The following EIF2S1 variants were observed in gnomAD, a reference collection of about 807,000 sequenced individuals.
The protein encoded by EIF2S1 is eukaryotic translation initiation factor 2 subunit 1.
Under a neutral mutation model 33.5 loss-of-function variants are expected in EIF2S1, and 5 were observed. That is an observed-to-expected ratio of 0.15 (90% CI 0.08 to 0.31). The LOEUF (loss-of-function observed/expected upper bound fraction) is 0.31. EIF2S1 is among the 10% of genes least tolerant of loss of function. EIF2S1 has a pLI of 1.00. For synonymous variants in EIF2S1, 99 were observed against 127.5 expected, an observed-to-expected ratio of 0.78 and a Z score of 1.51; for missense variants, 191 against 384.6, an observed-to-expected ratio of 0.50 and a Z score of 4.21.
chr14:67,361,498 G>C (rs1243625557), intron 1 of EIF2S1, among the ~76,000 whole-genome samples: 1 of 152,200 alleles, frequency 6.6e-6, no homozygotes, highest in Non-Finnish European at 1.5e-5. Flanking sequence ...AGCATTCAGA[G>C]AGCATTCCTA....
chr14:67,379,602 C>T (rs1253939836), intron 4 of EIF2S1, among the ~76,000 whole-genome samples: 1 of 151,268 alleles, frequency 6.6e-6, no homozygotes. Context: ...AAGCCTGATG[C>T]TTGCTCATGC....
Position 67,374,442 on chromosome 14 carries a change from G to T in EIF2S1, c.242-26G>T, listed in dbSNP as rs760475327. ...AGTACAGTGGCATCTGGACAGAGAT[G>T]ATTTTTTCACAATTTTTTTGTACAG... On this transcript the variant is annotated intron_variant, in intron 2 of 7. Transcript: ENST00000256383. The T allele has an allele frequency of 3.3e-6, 5 of 1,512,054 alleles. No individual in the cohort carries two copies. The Admixed American group carries it at 5.2e-5, about 16-fold the overall frequency. 93.7% of individuals were successfully genotyped at this position (1,512,054 alleles called of 1,614,324 possible). A position where few individuals can be genotyped will look rare whatever the true frequency, so the allele number is the denominator to read the frequency against.
At chr14:67,370,886 A>G (rs1424632561) in intron 2 of EIF2S1, among the ~76,000 whole-genome samples, 4 of 151,962 alleles carry the variant, frequency 2.6e-5, no homozygotes, top group Admixed American at 6.6e-5. Flanking sequence ...TTACCCAGGC[A>G]TGGTGTTGTG....
At chr14:67,361,985 T>G (rs952462981) in intron 1 of EIF2S1, among the ~76,000 whole-genome samples, 1 of 152,118 alleles carries the variant, frequency 6.6e-6, no homozygotes, top group East Asian at 1.9e-4. Flanking sequence ...CACTCTATAC[T>G]TAATTACTTA....
At chr14:67,369,074 A>C (rs922992712) in intron 2 of EIF2S1, among the ~76,000 whole-genome samples, 9 of 152,210 alleles carry the variant, frequency 5.9e-5, no homozygotes, top group Non-Finnish European at 1.2e-4. Flanking sequence ...TAAATCAAGT[A>C]AATATTCCAG....
At chr14:67,368,392 C>T (rs1448504697) in intron 2 of EIF2S1, among the ~76,000 whole-genome samples, 1 of 152,178 alleles carries the variant, frequency 6.6e-6, no homozygotes, top group Non-Finnish European at 1.5e-5. Flanking sequence ...AAGCCCTTTG[C>T]TGACTCCTCC....
intron 2 of EIF2S1, among the ~76,000 whole-genome samples, chr14:67,370,550 A>G (rs1464895805): frequency 6.6e-6 from 1 of 152,240 alleles, no homozygotes; most frequent in Non-Finnish European, 1.5e-5. Context: ...TGCTACAGAC[A>G]TTAAAAGGCT....
chr14:67,381,159 C>T (rs960398238), intron 5 of EIF2S1, among the ~76,000 whole-genome samples: 5 of 152,194 alleles, frequency 3.3e-5, no homozygotes, highest in Admixed American at 6.5e-5. Context: ...GAATCTTTCT[C>T]ATTCTTTTTT....
intron 2 of EIF2S1, among the ~76,000 whole-genome samples, chr14:67,366,111 C>G (rs2085776976): frequency 6.9e-6 from 1 of 144,540 alleles, no homozygotes; most frequent in African/African-American, 2.6e-5. Flanking sequence ...GAATTGGGGT[C>G]TTGCTCTGTC....
Position 67,382,553 on chromosome 14 carries a change from T to C in EIF2S1, c.785T>C (p.Ile262Thr). The C allele has an allele frequency of 1.2e-6, 2 of 1,613,856 alleles. No homozygotes were observed. Among genetic ancestry groups the C allele is most frequent in the Non-Finnish European group, 1.7e-6 (2 of 1,179,900 alleles). ...GCTATGGCTGTTATCAAAGAGAAGA[T>C]TGAGGAAAAGAGGGGTGTGTTCAAT... is the stretch of plus-strand genomic sequence containing the variant. ...SQAMAVIKEK[I>T]EEKRGVFNVQ... Residue 262 changes from isoleucine (I) to threonine (T), a missense_variant, in exon 7 of 8, where the codon ATT becomes ACT. Transcript: ENST00000256383.
At chr14:67,372,963 TC>T (rs1239449845) in intron 2 of EIF2S1, among the ~76,000 whole-genome samples, 1 of 152,174 alleles carries the variant, frequency 6.6e-6, no homozygotes, top group Non-Finnish European at 1.5e-5. Flanking sequence ...ATGTTGAACA[TC>T]ATTAGTCATT....
chr14:67,368,792 G>A (rs2085798581), intron 2 of EIF2S1, among the ~76,000 whole-genome samples: 1 of 152,194 alleles, frequency 6.6e-6, no homozygotes, highest in Non-Finnish European at 1.5e-5. Flanking sequence ...GGAGGCTGAG[G>A]TGGGAGAGTC....
In EIF2S1 at chr14:67,364,836, T is replaced by C. The variant is rs2085764021; in HGVS notation, c.69T>C (p.Asn23=). The change falls in exon 2 of 8, where the codon AAT becomes AAC. Residue 23 remains asparagine (N), a synonymous_variant. Transcript: ENST00000256383. The part of the protein sequence containing the change: ...FPEVEDVVMV[N]VRSIAEMGAY... Reference sequence around the variant, plus strand: ...AGGTGGAAGATGTAGTGATGGTGAATGTCAGATCCATTGCTGAAATGGGGG... The same window carrying C: ...AGGTGGAAGATGTAGTGATGGTGAACGTCAGATCCATTGCTGAAATGGGGG... 1 of 1,613,954 alleles carries C rather than the reference T, an allele frequency of 6.2e-7. No individual in the cohort carries two copies. Among genetic ancestry groups the C allele is most frequent in the African/African-American group, 1.3e-5 (1 of 74,920 alleles).
Position 67,385,658 on chromosome 14 carries a change from C to CTTTTTTTTT in EIF2S1, c.*2229_*2237dup, listed in dbSNP as rs780069831. On this transcript the variant is annotated 3_prime_UTR_variant, in exon 8 of 8. Transcript: ENST00000256383. ...ATATGAATATTCAAACCACTTTTTT[C>CTTTTTTTTT]TTTTTTTTTTTTTTTTTTTGGCAAA... The CTTTTTTTTT allele has an allele frequency of 3.7e-5, 4 of 107,648 alleles. No homozygotes were observed. Among genetic ancestry groups the CTTTTTTTTT allele is most frequent in the African/African-American group, 1.2e-4 (3 of 25,984 alleles). The allele number at this position is 107,648 out of a possible 1,614,324, so 6.7% of individuals were successfully genotyped here.
Position 67,384,577 on chromosome 14 carries a change from G to GATA in EIF2S1, c.*1138_*1140dup, listed in dbSNP as rs1281213988. On this transcript the variant is annotated 3_prime_UTR_variant, in exon 8 of 8. Transcript: ENST00000256383. ...TATTTAATTTTATTCATTATCCCTA[G>GATA]ATAGCTATTAAGATACTTAGATTAG... 8 of 152,046 alleles carry GATA rather than the reference G, an allele frequency of 5.3e-5. No individual in the cohort carries two copies. Among genetic ancestry groups the GATA allele is most frequent in the African/African-American group, 1.9e-4 (8 of 41,404 alleles). The allele number at this position is 152,046 out of a possible 1,614,324, so 9.4% of individuals were successfully genotyped here.
intron 3 of EIF2S1, among the ~76,000 whole-genome samples, chr14:67,376,011 G>A (rs558303792): frequency 6.6e-6 from 1 of 152,238 alleles, no homozygotes; most frequent in South Asian, 2.1e-4. Context: ...AATTTTAGGA[G>A]GTAAGAAAAA....
chr14:67,373,782 C>T (rs1442830520), intron 2 of EIF2S1, among the ~76,000 whole-genome samples: 1 of 151,800 alleles, frequency 6.6e-6, no homozygotes, highest in African/African-American at 2.4e-5. Flanking sequence ...TGTTTAAGCA[C>T]CTAACATAGT....
chr14:67,374,829 C>T (rs1267209699), intron 3 of EIF2S1, among the ~76,000 whole-genome samples: 1 of 152,136 alleles, frequency 6.6e-6, no homozygotes, highest in Non-Finnish European at 1.5e-5. Flanking sequence ...GTCTCAGACC[C>T]TGAGCTTCAA....
chr14:67,364,592 C>A, intron 1 of EIF2S1, 175 bp from the exon 2 acceptor site: 1 of 591,688 alleles, frequency 1.7e-6, no homozygotes, highest in Non-Finnish European at 2.8e-6. Context: ...AAGCTTGGTT[C>A]CTGAACATTA....
Sources: allele counts gnomAD v4.1 joint callset (sites outside exome capture counted in the v4.1 genomes callset), GRCh38; gene constraint gnomAD v4.1.1; transcripts MANE v1.5; gene names NCBI Gene and HGNC (gene_info 2026-07-23, HGNC 2026-07-21).